TSHZ1: variants seen among roughly 807,000 people sequenced by gnomAD.
TSHZ1 encodes teashirt zinc finger homeobox 1.
A neutral mutation model predicts 67.1 loss-of-function variants in TSHZ1; 12 were observed. The ratio of observed to expected loss-of-function variants is 0.18; its 90% CI spans 0.11 to 0.29. The LOEUF is 0.29. Ranked by LOEUF, TSHZ1 falls within the 10% of genes least tolerant of loss-of-function variation. The probability of loss-of-function intolerance (pLI) is 1.00; values close to 1 mark genes in which losing one functional copy is unlikely to be tolerated. For synonymous variants in TSHZ1, 632 were observed against 622.4 expected (o/e 1.02, Z -0.23); for missense variants, 1,305 against 1,413.9 (o/e 0.92, Z 1.23).
chr18:75,246,976 G>C (rs1458972287), intron 1 of TSHZ1, among the ~76,000 whole-genome samples: 1 of 152,150 alleles, frequency 6.6e-6, no homozygotes, highest in African/African-American at 2.4e-5. Context: ...GAGGGAGCGG[G>C]AGTGGAGGAT....
At chr18:75,243,938 C>G (rs1359019860) in intron 1 of TSHZ1, among the ~76,000 whole-genome samples, 2 of 152,218 alleles carry the variant, frequency 1.3e-5, no homozygotes, top group East Asian at 1.9e-4. Context: ...GAGCTGGGGC[C>G]AGGCCGCTCA....
chr18:75,231,856 C>G (rs142344989), intron 1 of TSHZ1, among the ~76,000 whole-genome samples: 2 of 151,994 alleles, frequency 1.3e-5, no homozygotes, highest in African/African-American at 4.8e-5. Context: ...GATTTTAGAT[C>G]TTCACAGGGC....
chr18:75,284,550 C>T (rs2023726038), intron 1 of TSHZ1: 1 of 152,260 alleles, frequency 6.6e-6, no homozygotes, highest in Non-Finnish European at 1.5e-5. Context: ...AAACTCTGTC[C>T]CCATCCCCTC....
intron 1 of TSHZ1, among the ~76,000 whole-genome samples, chr18:75,261,535 G>A (rs1468048905): frequency 6.6e-6 from 1 of 152,232 alleles, no homozygotes; most frequent in African/African-American, 2.4e-5. Flanking sequence ...GCAAGAGGGT[G>A]GCCATTGCTT....
chr18:75,273,618 G>T (rs2023582548), intron 1 of TSHZ1, among the ~76,000 whole-genome samples: 1 of 152,166 alleles, frequency 6.6e-6, no homozygotes, highest in Admixed American at 6.5e-5. Context: ...CGGTGTATGT[G>T]TGTTTACGTT....
chr18:75,213,589 T>C (rs982280862), intron 1 of TSHZ1, among the ~76,000 whole-genome samples: 2 of 152,124 alleles, frequency 1.3e-5, no homozygotes, highest in Non-Finnish European at 2.9e-5. Flanking sequence ...AACAAAATGC[T>C]GAGGGAATGA....
chr18:75,264,515 A>T (rs1342420009), intron 1 of TSHZ1, among the ~76,000 whole-genome samples: 4 of 149,248 alleles, frequency 2.7e-5, no homozygotes, highest in African/African-American at 9.9e-5. Context: ...AGTGTAGGAG[A>T]AGGAGAAGAA....
chr18:75,211,376 A>T lies in TSHZ1; in HGVS notation c.-501A>T, dbSNP rs2022680653. The T allele has an allele frequency of 6.6e-6, 1 of 151,412 alleles. No homozygotes were observed. The highest frequency in any genetic ancestry group is 2.1e-4 in the South Asian group (1 of 4,776). The allele number at this position is 151,412 out of a possible 1,614,324, so 9.4% of individuals were successfully genotyped here. ...AAGCTGCGACCCGCGCACTAAAAAC[A>T]CTCGCCGCGACCCCCAAACAGCGAG... On this transcript the variant is annotated 5_prime_UTR_variant, in exon 1 of 2. Transcript: ENST00000580243.
chr18:75,213,074 T>G (rs1202653091), intron 1 of TSHZ1, among the ~76,000 whole-genome samples: 1 of 152,240 alleles, frequency 6.6e-6, no homozygotes, highest in Non-Finnish European at 1.5e-5. Flanking sequence ...TAAGTTTGAG[T>G]ATCACATTCA....
At chr18:75,277,147 G>A (rs2023623187) in intron 1 of TSHZ1, among the ~76,000 whole-genome samples, 2 of 152,316 alleles carry the variant, frequency 1.3e-5, no homozygotes, top group South Asian at 4.1e-4. Context: ...GCCGGTCCAT[G>A]GCCCGAATTT....
At chr18:75,233,900 T>G (rs2122539041) in intron 1 of TSHZ1, among the ~76,000 whole-genome samples, 1 of 152,274 alleles carries the variant, frequency 6.6e-6, no homozygotes, top group South Asian at 2.1e-4. Flanking sequence ...TGCAGTGGTT[T>G]GGGAGGATTA....
chr18:75,285,832 C>A lies in TSHZ1; in HGVS notation c.425C>A (p.Thr142Asn). 6.2e-7 allele frequency: 1 copy of A among 1,613,922 alleles called. No individual in the cohort carries two copies. Residue 142 changes from threonine to asparagine, a missense_variant, in exon 2 of 2, where the codon ACC becomes AAC. By Grantham distance (65) the Thr-to-Asn change is moderately conservative. Coordinates refer to ENST00000580243, the MANE Select transcript of TSHZ1 (RefSeq NM_001308210.2). Reference protein sequence around the residue: ...LALDLKKSGSTTSTNDASQKE... With the variant: ...LALDLKKSGSNTSTNDASQKE... Reference sequence around the variant, plus strand: ...CTGGATTTAAAGAAGTCGGGTTCCACCACCAGCACCAACGATGCCAGCCAG... The same window carrying A: ...CTGGATTTAAAGAAGTCGGGTTCCAACACCAGCACCAACGATGCCAGCCAG...
At chr18:75,284,383 G>A (rs2023724071) in intron 1 of TSHZ1, 1 of 152,622 alleles carries the variant, frequency 6.6e-6, no homozygotes, top group Non-Finnish European at 1.5e-5. Flanking sequence ...TTGGGCTTTT[G>A]TAATTAAACA....
chr18:75,223,448 TAG>T (rs1201326176), intron 1 of TSHZ1, among the ~76,000 whole-genome samples: 1 of 152,122 alleles, frequency 6.6e-6, no homozygotes. Flanking sequence ...CTGCTGATTT[TAG>T]AGAGAGGGAG....
Position 75,260,043 on chromosome 18 carries a change from A to G in TSHZ1, c.41-25405A>G, listed in dbSNP as rs558757800. Among the ~76,000 whole-genome samples, 5 of 152,342 alleles carry G rather than the reference A, an allele frequency of 3.3e-5. No individual in the cohort carries two copies. The East Asian group carries it at 9.6e-4, about 29-fold the overall frequency. On this transcript the variant is annotated intron_variant, in intron 1 of 1. Coordinates refer to ENST00000580243, the MANE Select transcript of TSHZ1 (RefSeq NM_001308210.2). Reference sequence around the variant, plus strand: ...AGGTCTCAAGTCAGCTCTGTGCTTCATAGCAGCTATCGGCCCATGATTCAG... The same window carrying G: ...AGGTCTCAAGTCAGCTCTGTGCTTCGTAGCAGCTATCGGCCCATGATTCAG...
chr18:75,288,800 GT>G lies in TSHZ1; in HGVS notation c.*160del, dbSNP rs1310226152. 14 of 1,209,080 alleles carry G rather than the reference GT, an allele frequency of 1.2e-5. No individual in the cohort carries two copies. In the African/African-American group the frequency reaches 2.0e-4, roughly 17 times the overall value. 74.9% of individuals were successfully genotyped at this position (1,209,080 alleles called of 1,614,324 possible). A position where few individuals can be genotyped will look rare whatever the true frequency, so the allele number is the denominator to read the frequency against. Reference sequence around the variant, plus strand: ...TATTTTGTATATTTATATGCTCTCTGTCCGATCTGTGCATGTTATTTTTCTT... The same window carrying G: ...TATTTTGTATATTTATATGCTCTCTGCCGATCTGTGCATGTTATTTTTCTT... On this transcript the variant is annotated 3_prime_UTR_variant, in exon 2 of 2. Coordinates refer to ENST00000580243, the MANE Select transcript of TSHZ1 (RefSeq NM_001308210.2). This position sits in a 1 kb window ranked among gnomAD's most constrained non-coding sequence, Gnocchi z 4.9.
At chr18:75,229,812 GAAAC>G (rs551431566) in intron 1 of TSHZ1, among the ~76,000 whole-genome samples, 5 of 152,150 alleles carry the variant, frequency 3.3e-5, no homozygotes, top group Non-Finnish European at 5.9e-5. Flanking sequence ...TAACCTAAAA[GAAAC>G]AAACAAAACC....
intron 1 of TSHZ1, among the ~76,000 whole-genome samples, chr18:75,261,172 A>AAGTAGGAAAAGGAAAGGAG (rs2023426122): frequency 6.6e-6 from 1 of 151,992 alleles, no homozygotes; most frequent in Admixed American, 6.5e-5. Context: ...CTACCCCGCC[A>AAGTAGGAAAAGGAAAGGAG]AGTAGGAAAA....
chr18:75,222,481 A>G (rs917698511), intron 1 of TSHZ1, among the ~76,000 whole-genome samples: 2 of 151,676 alleles, frequency 1.3e-5, no homozygotes, highest in African/African-American at 4.8e-5. Context: ...TTTTTTTCTC[A>G]ACTCCTCCTC....
Sources: gnomAD v4.1 joint callset for allele counts (sites outside exome capture counted in the v4.1 genomes callset) on GRCh38, gnomAD v4.1.1 for gene constraint, Gnocchi (gnomAD v3.1) non-coding constraint, MANE v1.5 for transcripts, NCBI Gene and HGNC (gene_info 2026-07-23, HGNC 2026-07-21) for gene names.